The following KHDRBS2 variants were observed in gnomAD, a reference collection of about 807,000 sequenced individuals.
KHDRBS2 encodes KH RNA binding domain containing, signal transduction associated 2, also known as KH domain-containing, RNA-binding, signal transduction-associated protein 2.
A neutral mutation model predicts 44.3 loss-of-function variants in KHDRBS2; 26 were observed. The observed-to-expected ratio is 0.59, with a 90% CI of 0.43 to 0.81. The LOEUF is 0.81. Among genes scored for constraint, KHDRBS2 ranks in the 40% least tolerant of loss-of-function variants. KHDRBS2 has a pLI of 0.00. For missense variants in KHDRBS2, 476 were observed against 433.1 expected (o/e 1.10, Z -0.88); for synonymous variants, 194 against 151.1 (o/e 1.28, Z -2.08).
chr6:61,672,507 G>A, the KHDRBS2 span, among the ~76,000 whole-genome samples: 1 of 152,054 alleles, frequency 6.6e-6, no homozygotes, highest in African/African-American at 2.4e-5. Context: ...TCCAGCACCT[G>A]TAGTTTCCTG....
chr6:61,806,296 C>G (rs1317949295), intron 6 of KHDRBS2, among the ~76,000 whole-genome samples: 1 of 152,138 alleles, frequency 6.6e-6, no homozygotes, highest in Non-Finnish European at 1.5e-5. Flanking sequence ...GCCATAAAAG[C>G]AGCCTGATAT....
intron 1 of KHDRBS2, among the ~76,000 whole-genome samples, chr6:62,217,752 T>C (rs1054585344): frequency 2.6e-5 from 4 of 151,838 alleles, no homozygotes; most frequent in Admixed American, 6.6e-5. Context: ...TGAGGACTTA[T>C]GTTGAAGAAG....
At chr6:61,860,271 T>A (rs542605810) in intron 6 of KHDRBS2, among the ~76,000 whole-genome samples, 1 of 151,884 alleles carries the variant, frequency 6.6e-6, no homozygotes, top group South Asian at 2.1e-4. Flanking sequence ...ATGTCTTTTT[T>A]TGTGTGTGTG....
intron 4 of KHDRBS2, among the ~76,000 whole-genome samples, chr6:61,939,555 A>C (rs78668684): frequency 2.6e-5 from 4 of 152,182 alleles, no homozygotes; most frequent in Admixed American, 6.5e-5. Flanking sequence ...GGTAAAAAAA[A>C]CAGATTTATT....
the KHDRBS2 span, among the ~76,000 whole-genome samples, chr6:61,559,372 G>A: frequency 4.0e-5 from 6 of 150,656 alleles, no homozygotes; most frequent in Admixed American, 1.3e-4. Context: ...TTTCTATTCA[G>A]CCAGTCTATG....
rs370557114 is a variant in KHDRBS2 at position 61,769,546 on chromosome 6, T to G, written c.811-36782A>C. ...ACATGGCTCAGAGGGTCCTACTGGCTTGGAGGGTCCTACTCCCATGGAGTC... is the reference window on the plus strand; with the variant it reads ...ACATGGCTCAGAGGGTCCTACTGGCGTGGAGGGTCCTACTCCCATGGAGTC... On this transcript the variant is annotated intron_variant, in intron 6 of 8. Coordinates refer to ENST00000281156, the MANE Select transcript of KHDRBS2 (RefSeq NM_152688.4). 2.0e-5 allele frequency among the ~76,000 whole-genome samples: 3 copies of G among 152,292 alleles called. No homozygotes were observed. The East Asian group carries it at 5.8e-4, about 29-fold the overall frequency.
At chr6:62,000,913 CA>C (rs1261433353) in intron 3 of KHDRBS2, among the ~76,000 whole-genome samples, 1 of 152,058 alleles carries the variant, frequency 6.6e-6, no homozygotes, top group Non-Finnish European at 1.5e-5. Context: ...TTAAATCAGT[CA>C]AAAATTCAGC....
intron 2 of KHDRBS2, among the ~76,000 whole-genome samples, chr6:62,115,448 A>C (rs529959259): frequency 5.3e-4 from 80 of 152,330 alleles, no homozygotes; most frequent in African/African-American, 1.9e-3. Flanking sequence ...TTCCAAGGTC[A>C]CAAAATCAAA....
intron 2 of KHDRBS2, among the ~76,000 whole-genome samples, chr6:62,114,592 G>A (rs753235949): frequency 1.3e-5 from 2 of 152,046 alleles, no homozygotes; most frequent in Non-Finnish European, 2.9e-5. Flanking sequence ...TAAGTGATGG[G>A]AGGCAGAAAT....
At chr6:61,872,834 T>C (rs1237826350) in intron 6 of KHDRBS2, among the ~76,000 whole-genome samples, 1 of 152,104 alleles carries the variant, frequency 6.6e-6, no homozygotes, top group Non-Finnish European at 1.5e-5. Context: ...TTATATTGGC[T>C]TATAGAAAGA....
chr6:62,218,023 A>G lies in KHDRBS2; in HGVS notation c.92-40711T>C, dbSNP rs140989292. Reference sequence around the variant, plus strand: ...CCCAGAGAAGAGTGACTCTGGAGAGATAAGTCTGGCATTTGGGTTTGCTTT... The same window carrying G: ...CCCAGAGAAGAGTGACTCTGGAGAGGTAAGTCTGGCATTTGGGTTTGCTTT... On this transcript the variant is annotated intron_variant, in intron 1 of 8. Transcript: ENST00000281156. 3.3e-5 allele frequency among the ~76,000 whole-genome samples: 5 copies of G among 151,966 alleles called. No individual in the cohort carries two copies. In the East Asian group the frequency reaches 9.7e-4, roughly 29 times the overall value.
chr6:62,198,876 A>G (rs1431610405), intron 1 of KHDRBS2, among the ~76,000 whole-genome samples: 1 of 152,134 alleles, frequency 6.6e-6, no homozygotes, highest in Non-Finnish European at 1.5e-5. Context: ...GCACATCAAA[A>G]AGCTTATCCA....
chr6:61,947,589 A>G (rs1182966582), intron 4 of KHDRBS2, among the ~76,000 whole-genome samples: 1 of 152,108 alleles, frequency 6.6e-6, no homozygotes, highest in Non-Finnish European at 1.5e-5. Context: ...GAGGAATTGA[A>G]AATTTTATTC....
chr6:62,169,587 T>C (rs1035446803), intron 2 of KHDRBS2, among the ~76,000 whole-genome samples: 4 of 152,002 alleles, frequency 2.6e-5, no homozygotes, highest in African/African-American at 9.7e-5. Context: ...GTAGCCCTTA[T>C]GGAATCAATG....
At chr6:61,924,068 T>C (rs1288656762) in intron 4 of KHDRBS2, among the ~76,000 whole-genome samples, 6 of 152,054 alleles carry the variant, frequency 3.9e-5, no homozygotes, top group Non-Finnish European at 8.8e-5. Context: ...ATTACATAAA[T>C]TAGATATAAT....
chr6:61,754,114 G>T (rs1339732287), intron 6 of KHDRBS2, among the ~76,000 whole-genome samples: 2 of 152,132 alleles, frequency 1.3e-5, no homozygotes, highest in East Asian at 3.8e-4. Context: ...GATTTTTGTG[G>T]TTTTAAGCCA....
At chr6:62,010,125 A>G (rs1780026035) in intron 3 of KHDRBS2, among the ~76,000 whole-genome samples, 1 of 152,174 alleles carries the variant, frequency 6.6e-6, no homozygotes, top group Non-Finnish European at 1.5e-5. Context: ...CAAAGCCACA[A>G]GGACGGAGCT....
At chr6:62,042,796 G>A (rs544047716) in intron 3 of KHDRBS2, among the ~76,000 whole-genome samples, 13 of 152,182 alleles carry the variant, frequency 8.5e-5, no homozygotes, top group African/African-American at 2.9e-4. Flanking sequence ...TTCTAGAATA[G>A]AAACTGCACA....
the KHDRBS2 span, chr6:61,574,290 A>C: frequency 7.0e-7 from 1 of 1,424,662 alleles, no homozygotes; most frequent in African/African-American, 1.4e-5. Context: ...GTGCAAAGGT[A>C]GCATGATCAC....
Sources: allele counts gnomAD v4.1 joint callset (sites outside exome capture counted in the v4.1 genomes callset), GRCh38; gene constraint gnomAD v4.1.1; transcripts MANE v1.5; gene names NCBI Gene and HGNC (gene_info 2026-07-23, HGNC 2026-07-21).